The following JAK1 variants were observed in gnomAD, a reference collection of about 807,000 sequenced individuals.
JAK1 encodes Janus kinase 1.
A neutral mutation model predicts 136.6 loss-of-function variants in JAK1; 16 were observed. The ratio of observed to expected loss-of-function variants is 0.12; its 90% CI spans 0.08 to 0.18. The LOEUF (loss-of-function observed/expected upper bound fraction) is 0.18, where lower values mean the gene tolerates loss of function less well. JAK1 is among the 10% of genes least tolerant of loss of function. The probability of loss-of-function intolerance (pLI) is 1.00; values close to 1 mark genes in which losing one functional copy is unlikely to be tolerated. For synonymous variants in JAK1, 492 were observed against 519.5 expected (o/e 0.95, Z 0.72); for missense variants, 859 against 1,450.1 (o/e 0.59, Z 6.62).
At chr1:64,904,341 A>G (rs533648681) in intron 1 of JAK1, among the ~76,000 whole-genome samples, 1 of 152,164 alleles carries the variant, frequency 6.6e-6, no homozygotes, top group African/African-American at 2.4e-5. Flanking sequence ...GGAATCTTGT[A>G]CTTCTGTGCA....
At chr1:65,042,706 T>A (rs1468399491) in intron 2 of JAK1, among the ~76,000 whole-genome samples, 2 of 152,174 alleles carry the variant, frequency 1.3e-5, no homozygotes, top group Admixed American at 6.5e-5. Flanking sequence ...GACTTTTCAT[T>A]TTTTACTATG....
chr1:64,984,997 T>A lies in JAK1; in HGVS notation c.-78+59483A>T, dbSNP rs1646584398. On this transcript the variant is annotated intron_variant, in intron 2 of 25. Transcript: ENST00000671954. The surrounding 1 kb of genome is among the most constrained non-coding windows in gnomAD (Gnocchi z 4.1). ...ACCACAAAGACCAAGATAGCCCCAA[T>A]ACAGACAAAGCTTATCCCATTACAC... The A allele has an allele frequency of 1.1e-6, 1 of 874,468 alleles. No individual in the cohort carries two copies. Among genetic ancestry groups the A allele is most frequent in the Non-Finnish European group, 2.0e-6 (1 of 509,072 alleles). 54.2% of individuals were successfully genotyped at this position (874,468 alleles called of 1,614,324 possible). A position where few individuals can be genotyped will look rare whatever the true frequency, so the allele number is the denominator to read the frequency against.
intron 2 of JAK1, chr1:64,974,090 G>A (rs1430880586): frequency 6.6e-6 from 1 of 152,160 alleles, no homozygotes; most frequent in Non-Finnish European, 1.5e-5. Context: ...AAAGTAGAAC[G>A]TTGGTAACTC....
chr1:65,040,584 T>C (rs1464429796), intron 2 of JAK1, among the ~76,000 whole-genome samples: 1 of 152,136 alleles, frequency 6.6e-6, no homozygotes, highest in African/African-American at 2.4e-5. Flanking sequence ...AATGTGGACC[T>C]TTATTCTACG....
chr1:65,015,789 C>T (rs1646887683), intron 2 of JAK1, among the ~76,000 whole-genome samples: 1 of 152,096 alleles, frequency 6.6e-6, no homozygotes, highest in African/African-American at 2.4e-5. Context: ...TTGGCAATTC[C>T]TCAAAAAGCT....
Position 64,984,600 on chromosome 1 carries a change from C to A in JAK1, c.-78+59880G>T. 1 of 408,334 alleles carries A rather than the reference C, an allele frequency of 2.4e-6. No individual in the cohort carries two copies. Among genetic ancestry groups the A allele is most frequent in the Non-Finnish European group, 4.7e-6 (1 of 210,662 alleles). 25.3% of individuals were successfully genotyped at this position (408,334 alleles called of 1,614,324 possible). A position where few individuals can be genotyped will look rare whatever the true frequency, so the allele number is the denominator to read the frequency against. ...TTGCTGGGAGGGAGGTTGAAGGAGGCATGATTTAGACATTGGTGGTGGTCT... is the reference window on the plus strand; with the variant it reads ...TTGCTGGGAGGGAGGTTGAAGGAGGAATGATTTAGACATTGGTGGTGGTCT... On this transcript the variant is annotated intron_variant, in intron 2 of 25. Coordinates refer to the JAK1 transcript ENST00000671954. This position sits in a 1 kb window ranked among gnomAD's most constrained non-coding sequence, Gnocchi z 4.1.
chr1:65,035,242 A>G (rs776332899), intron 2 of JAK1, among the ~76,000 whole-genome samples: 2 of 152,188 alleles, frequency 1.3e-5, no homozygotes, highest in Non-Finnish European at 2.9e-5. Context: ...CTTTTCCTAC[A>G]TACCAGAATA....
chr1:64,887,230 A>C (rs537138954), intron 1 of JAK1, among the ~76,000 whole-genome samples: 1 of 152,342 alleles, frequency 6.6e-6, no homozygotes, highest in African/African-American at 2.4e-5. Context: ...CTTAAGTAAA[A>C]GTAATGATGG....
At chr1:64,915,217 T>C (rs191813457) in intron 1 of JAK1, among the ~76,000 whole-genome samples, 2 of 152,130 alleles carry the variant, frequency 1.3e-5, no homozygotes, top group Admixed American at 6.5e-5. Context: ...TTTTAAAATA[T>C]ATAAAGTAGT....
chr1:64,930,092 G>A (rs998363463), intron 1 of JAK1, among the ~76,000 whole-genome samples: 1 of 152,032 alleles, frequency 6.6e-6, no homozygotes. Flanking sequence ...ACAGGCATGG[G>A]CAAAGACTTC....
At chr1:64,861,437 A>G (rs1010957472) in intron 8 of JAK1, among the ~76,000 whole-genome samples, 2 of 152,124 alleles carry the variant, frequency 1.3e-5, no homozygotes, top group African/African-American at 4.8e-5. Flanking sequence ...GATTTGGGGT[A>G]CTTTTGTCCT....
At chr1:64,989,875 C>G (rs1308490717) in intron 2 of JAK1, 1 of 152,220 alleles carries the variant, frequency 6.6e-6, no homozygotes, top group African/African-American at 2.4e-5. Context: ...CAGCTGATTC[C>G]TAAGCTCAGT....
intron 8 of JAK1, among the ~76,000 whole-genome samples, chr1:64,861,321 G>A (rs1014369951): frequency 6.6e-6 from 1 of 152,138 alleles, no homozygotes; most frequent in Non-Finnish European, 1.5e-5. Flanking sequence ...GAGTTGGAGA[G>A]AGCAGAGTGT....
chr1:64,904,980 CAGGTAGGCACAA>C (rs1645168181), intron 1 of JAK1, among the ~76,000 whole-genome samples: 1 of 152,248 alleles, frequency 6.6e-6, no homozygotes, highest in East Asian at 1.9e-4. Context: ...TCTGATAAAA[CAGGTAGGCACAA>C]AGAAAATAAC....
intron 1 of JAK1, among the ~76,000 whole-genome samples, chr1:64,941,543 C>T (rs1645889486): frequency 6.6e-6 from 1 of 152,106 alleles, no homozygotes; most frequent in South Asian, 2.1e-4. Context: ...TCAAATTTCC[C>T]ATGGTTAGAA....
Position 64,873,445 on chromosome 1 carries a change from A to G in JAK1, c.408T>C (p.Asn136=). 1 of 1,614,066 alleles carries G rather than the reference A, an allele frequency of 6.2e-7. No homozygotes were observed. The highest frequency in any genetic ancestry group is 8.5e-7 in the Non-Finnish European group (1 of 1,180,006). Residue 136 remains asparagine, a synonymous_variant, in exon 5 of 25, where the codon AAT becomes AAC. Transcript: ENST00000342505. ...VWRHSPKKQK[N]GYEKKKIPDA... is the part of the protein sequence containing the mutation. ...CTGGAATCTTTTTTTTCTCGTAGCC[A>G]TTTTTCTGCTTCTTTGGAGAATGAC... is the stretch of plus-strand genomic sequence containing the variant.
intron 6 of JAK1, among the ~76,000 whole-genome samples, chr1:64,868,340 G>C (rs1656839937): frequency 6.6e-6 from 1 of 152,084 alleles, no homozygotes; most frequent in African/African-American, 2.4e-5. Flanking sequence ...CCTGGCCCCG[G>C]GTCATCCCTG....
At chr1:64,966,096 G>C (rs538873900) in intron 1 of JAK1, among the ~76,000 whole-genome samples, 1 of 151,946 alleles carries the variant, frequency 6.6e-6, no homozygotes, top group African/African-American at 2.4e-5. Flanking sequence ...CTCTTCTCCC[G>C]GCCGGGGGCC....
At chr1:65,061,189 C>CA (rs2100890118) in intron 1 of JAK1, among the ~76,000 whole-genome samples, 1 of 152,220 alleles carries the variant, frequency 6.6e-6, no homozygotes, top group Admixed American at 6.5e-5. Context: ...GAGGCTGAGG[C>CA]AGGAGGATTG....
Sources: gnomAD v4.1 joint callset for allele counts (sites outside exome capture counted in the v4.1 genomes callset) on GRCh38, gnomAD v4.1.1 for gene constraint, Gnocchi (gnomAD v3.1) non-coding constraint, MANE v1.5 for transcripts, NCBI Gene and HGNC (gene_info 2026-07-23, HGNC 2026-07-21) for gene names.